RAET1L: variants seen among roughly 807,000 people sequenced by gnomAD.
RAET1L encodes retinoic acid early transcript 1L, also known as UL16-binding protein 6.
A neutral mutation model predicts 23.9 loss-of-function variants in RAET1L; 16 were observed. The observed-to-expected ratio is 0.67, with a 90% CI of 0.45 to 1.02. RAET1L has a LOEUF of 1.02. Among genes scored for constraint, RAET1L ranks in the 50% least tolerant of loss-of-function variants. The pLI is 0.00. For synonymous variants in RAET1L, 70 were observed against 111.2 expected, an observed-to-expected ratio of 0.63 and a Z score of 2.33; for missense variants, 233 against 304.0, an observed-to-expected ratio of 0.77 and a Z score of 1.74.
chr6:150,023,938 T>C (rs969757911), intron 1 of RAET1L, among the ~76,000 whole-genome samples: 1 of 152,150 alleles, frequency 6.6e-6, no homozygotes, highest in Non-Finnish European at 1.5e-5. Flanking sequence ...CCATTACTGG[T>C]GGGCTCCTCG....
In RAET1L at chr6:150,021,985, G is replaced by C. The variant is rs759574234; in HGVS notation, c.344C>G (p.Pro115Arg). ...LLDIQLENYT[P>R]KEPLTLQARM... is the part of the protein sequence containing the mutation. ...CTGGGCCATCTGAAACTTACCCTTG[G>C]GTGTGTAATTCTCCAGCTGAATGTC... The change falls in exon 2 of 5, where the codon CCC becomes CGC. Residue 115 changes from proline (P) to arginine (R), a missense_variant. By Grantham distance (103) the Pro-to-Arg change is moderately radical. Around this residue, in one of 4 missense-constraint regions of RAET1L, gnomAD observed 139 missense variants for 125.3 expected, o/e 1.11. Coordinates refer to ENST00000367341, the MANE Select transcript of RAET1L (RefSeq NM_130900.3). 2.5e-6 allele frequency: 4 copies of C among 1,599,100 alleles called. No homozygotes were observed. Among genetic ancestry groups the C allele is most frequent in the Non-Finnish European group, 3.4e-6 (4 of 1,171,488 alleles).
intron 1 of RAET1L, among the ~76,000 whole-genome samples, chr6:150,023,195 C>T (rs1779907969): frequency 6.6e-6 from 1 of 151,108 alleles, no homozygotes; most frequent in Non-Finnish European, 1.5e-5. Context: ...AGCTGGGGAC[C>T]TCAGTTATAC....
At chr6:150,025,251 G>T in intron 1 of RAET1L, 136 bp downstream of exon 1, 1 of 675,396 alleles carries the variant, frequency 1.5e-6, no homozygotes, top group Non-Finnish European at 2.5e-6. Context: ...AGCCCAGGAG[G>T]GGAACTGAGC....
chr6:150,021,500 T>C (rs1372716879), intron 2 of RAET1L, among the ~76,000 whole-genome samples: 2 of 144,542 alleles, frequency 1.4e-5, no homozygotes. Flanking sequence ...AGGGTTTCAC[T>C]GTGTTAACCA....
intron 1 of RAET1L, among the ~76,000 whole-genome samples, chr6:150,024,342 C>T (rs1207339801): frequency 2.0e-5 from 3 of 152,154 alleles, no homozygotes; most frequent in African/African-American, 4.8e-5. Flanking sequence ...GATCTGGGAT[C>T]AGCAACCTAG....
intron 2 of RAET1L, among the ~76,000 whole-genome samples, chr6:150,021,403 A>G (rs1488557509): frequency 2.3e-5 from 3 of 132,060 alleles, no homozygotes; most frequent in African/African-American, 8.6e-5. Context: ...CAGTGGCGCG[A>G]TCTCGGCTCA....
At position 150,025,367 on chromosome 6, in the gene RAET1L, G is replaced by A. The variant is rs1775875671; in HGVS notation, c.85+20C>T. 6.2e-7 allele frequency: 1 copy of A among 1,609,030 alleles called. No individual in the cohort carries two copies. Among genetic ancestry groups the A allele is most frequent in the African/African-American group, 1.3e-5 (1 of 74,828 alleles). On this transcript the variant is annotated intron_variant, in intron 1 of 4. Coordinates refer to ENST00000367341, the MANE Select transcript of RAET1L (RefSeq NM_130900.3). The stretch of plus-strand genomic sequence containing the variant: ...TCAGGTTTGGCCCCCGCCCCGCTTA[G>A]GCTCCATCCACCAGCTCACCGTCTC...
At position 150,021,166 on chromosome 6, in the gene RAET1L, T is replaced by C. The variant is rs1779882529; in HGVS notation, c.370A>G (p.Arg124Gly). Residue 124 changes from arginine to glycine, a missense_variant, in exon 3 of 5, where the codon AGG becomes GGG. Arg to Gly is a moderately radical substitution (Grantham distance 125). Coordinates refer to ENST00000367341, the MANE Select transcript of RAET1L (RefSeq NM_130900.3). ...TPKEPLTLQARMSCEQKAEGH... is the reference protein window; with the variant it reads ...TPKEPLTLQAGMSCEQKAEGH... Reference sequence around the variant, plus strand: ...TCAGCTTTCTGCTCACAAGACATCCTTGCCTGCAGGGTGAGGGGTTCTGCC... The same window carrying C: ...TCAGCTTTCTGCTCACAAGACATCCCTGCCTGCAGGGTGAGGGGTTCTGCC... 3 of 1,613,382 alleles carry C rather than the reference T, an allele frequency of 1.9e-6. No individual in the cohort carries two copies. The highest frequency in any genetic ancestry group is 1.3e-5 in the African/African-American group (1 of 74,976).
chr6:150,019,928 G>C (rs2114757260), intron 4 of RAET1L, among the ~76,000 whole-genome samples, 180 bp downstream of exon 4: 1 of 123,448 alleles, frequency 8.1e-6, no homozygotes, highest in South Asian at 2.7e-4. Flanking sequence ...ACTCAGGGCT[G>C]AGCTGCCCAG....
At chr6:150,023,340 T>C (rs1421268673) in intron 1 of RAET1L, among the ~76,000 whole-genome samples, 4 of 151,822 alleles carry the variant, frequency 2.6e-5, no homozygotes, top group Non-Finnish European at 5.9e-5. Flanking sequence ...AAGTAGCCAG[T>C]CCATCAAGAA....
At chr6:150,021,959 C>T in intron 2 of RAET1L, 21 bp downstream of exon 2, 1 of 1,606,862 alleles carries the variant, frequency 6.2e-7, no homozygotes, top group Non-Finnish European at 8.5e-7. Context: ...TCCCTGCTGT[C>T]CTGGGCCATC....
rs1336968556 is a variant in RAET1L, at chr6:150,021,050, A to T, written c.486T>A (p.His162Gln). 4 of 1,614,134 alleles carry T rather than the reference A, an allele frequency of 2.5e-6. No homozygotes were observed. The highest frequency in any genetic ancestry group is 1.1e-5 in the South Asian group (1 of 91,062). Residue 162 changes from histidine (H) to glutamine (Q), a missense_variant, in exon 3 of 5, where the codon CAT becomes CAA. This residue lies in a region of RAET1L where 139 missense variants were observed against 125.3 expected (regional missense o/e 1.11). Transcript: ENST00000367341. ...TTTCTTTCATCTTTCTGGCTCCAGG[A>T]TGAACCGTTGTCCACATTCTCTTCT... ...DSEKRMWTTV[H>Q]PGARKMKEKW...
Position 150,021,041 on chromosome 6 carries a change from G to A in RAET1L, c.495C>T (p.Ala165=), listed in dbSNP as rs1779880125. The change falls in exon 3 of 5, where the codon GCC becomes GCT. Residue 165 remains alanine (A), a synonymous_variant. Transcript: ENST00000367341. ...KRMWTTVHPG[A]RKMKEKWEND... ...TCTCCCACTTTTCTTTCATCTTTCT[G>A]GCTCCAGGATGAACCGTTGTCCACA... 6.2e-7 allele frequency: 1 copy of A among 1,614,090 alleles called. No homozygotes were observed. The highest frequency in any genetic ancestry group is 1.1e-5 in the South Asian group (1 of 91,064).
rs755851265 is a variant in RAET1L at position 150,025,377 on chromosome 6, A to G, written c.85+10T>C. The G allele has an allele frequency of 3.1e-6, 5 of 1,612,232 alleles. No individual in the cohort carries two copies. The highest frequency in any genetic ancestry group is 1.1e-5 in the South Asian group (1 of 90,984). On this transcript the variant is annotated intron_variant, in intron 1 of 4. Transcript: ENST00000367341. ...CCCCCGCCCCGCTTAGGCTCCATCC[A>G]CCAGCTCACCGTCTCGCCTAGCCCG...
Position 150,024,957 on chromosome 6 carries a change from C to A in RAET1L, c.85+430G>T, listed in dbSNP as rs1351275025. Among the ~76,000 whole-genome samples the A allele has an allele frequency of 5.3e-5, 8 of 152,162 alleles. No individual in the cohort carries two copies. In the East Asian group the frequency reaches 1.4e-3, roughly 26 times the overall value. On this transcript the variant is annotated intron_variant, in intron 1 of 4. Coordinates refer to ENST00000367341, the MANE Select transcript of RAET1L (RefSeq NM_130900.3). ...GCTGGAGGGTTTGTGTGGTAGAGAG[C>A]AGGTGAGAGCAGAGCAGGCTTGTGG...
intron 1 of RAET1L, among the ~76,000 whole-genome samples, 188 bp downstream of exon 1, chr6:150,025,199 C>A (rs149528530): frequency 6.6e-5 from 10 of 152,326 alleles, no homozygotes; most frequent in Non-Finnish European, 1.0e-4. Flanking sequence ...TTCGCCCCTA[C>A]TGGGGCAAGA....
chr6:150,021,814 G>C (rs551431223), intron 2 of RAET1L, among the ~76,000 whole-genome samples, 166 bp downstream of exon 2: 2 of 151,948 alleles, frequency 1.3e-5, no homozygotes, highest in Admixed American at 1.3e-4. Context: ...AGGCGGTCTC[G>C]AATTCCTGAC....
rs767032689 is a variant in RAET1L at position 150,025,403 on chromosome 6, G to A, written c.69C>T (p.Ser23=). 56 of 1,613,848 alleles carry A rather than the reference G, an allele frequency of 3.5e-5. No homozygotes were observed. Among genetic ancestry groups the A allele is most frequent in the Non-Finnish European group, 4.3e-5 (51 of 1,179,880 alleles). The change falls in exon 1 of 5, where the codon TCC becomes TCT. Residue 23 remains serine, a synonymous_variant. Coordinates refer to ENST00000367341, the MANE Select transcript of RAET1L (RefSeq NM_130900.3). ...LPLLFLLFGW[S]RARRDDPHSL... is the part of the protein sequence containing the mutation. ...CCAGCTCACCGTCTCGCCTAGCCCG[G>A]GACCAGCCGAACAGCAGGAACAGAA...
intron 1 of RAET1L, 135 bp from the exon 2 acceptor site, chr6:150,022,378 GGT>G: frequency 1.7e-6 from 1 of 574,568 alleles, no homozygotes; most frequent in Non-Finnish European, 2.9e-6. Context: ...CCAGAACTGT[GGT>G]GTCTACAAGT....
Sources: allele counts gnomAD v4.1 joint callset (sites outside exome capture counted in the v4.1 genomes callset), GRCh38; gene constraint gnomAD v4.1.1; regional missense constraint gnomAD v4.1.1; transcripts MANE v1.5; gene names NCBI Gene and HGNC (gene_info 2026-07-23, HGNC 2026-07-21).